The following PAK5 variants were observed in gnomAD, a reference collection of about 807,000 sequenced individuals.
PAK5 encodes the protein p21 (RAC1) activated kinase 5.
Under a neutral mutation model 65.9 loss-of-function variants are expected in PAK5, and 16 were observed. The observed-to-expected ratio is 0.24, with a 90% CI of 0.16 to 0.37. The LOEUF is 0.37. PAK5 is among the 10% of genes least tolerant of loss of function. The pLI is 1.00. For synonymous variants in PAK5, 371 were observed against 354.9 expected, an observed-to-expected ratio of 1.05 and a Z score of -0.51; for missense variants, 785 against 903.9, an observed-to-expected ratio of 0.87 and a Z score of 1.69.
At chr20:9,738,172 A>G (rs1480615991) in intron 1 of PAK5, among the ~76,000 whole-genome samples, 1 of 151,366 alleles carries the variant, frequency 6.6e-6, no homozygotes, top group Non-Finnish European at 1.5e-5. Context: ...CAAACAAACA[A>G]AAAAACAATG....
intron 3 of PAK5, among the ~76,000 whole-genome samples, chr20:9,641,843 C>T (rs1357188684): frequency 6.6e-6 from 1 of 152,176 alleles, no homozygotes. Flanking sequence ...TGCTAAGTTC[C>T]CCATTGCCCG....
chr20:9,771,116 G>A (rs1443433683), intron 1 of PAK5, among the ~76,000 whole-genome samples: 2 of 152,134 alleles, frequency 1.3e-5, no homozygotes, highest in Admixed American at 1.3e-4. Context: ...AAACTTGTGG[G>A]AAAGCTCCTA....
intron 7 of PAK5, among the ~76,000 whole-genome samples, chr20:9,546,298 AT>A (rs1300974540): frequency 3.3e-5 from 5 of 152,162 alleles, no homozygotes; most frequent in Non-Finnish European, 7.3e-5. Flanking sequence ...CTAATTTTTG[AT>A]GCATTTCAAA....
intron 1 of PAK5, among the ~76,000 whole-genome samples, chr20:9,803,199 A>T (rs1174212713): frequency 6.6e-6 from 1 of 152,032 alleles, no homozygotes; most frequent in Middle Eastern, 3.2e-3. Context: ...GAAAGCAAAC[A>T]CTGCACAAGA....
At chr20:9,605,457 G>A (rs1437925522) in intron 3 of PAK5, among the ~76,000 whole-genome samples, 1 of 152,052 alleles carries the variant, frequency 6.6e-6, no homozygotes, top group Admixed American at 6.6e-5. Flanking sequence ...CTAACTATAA[G>A]GTCTTATGCG....
At chr20:9,619,900 C>T (rs1255199722) in intron 3 of PAK5, among the ~76,000 whole-genome samples, 1 of 152,188 alleles carries the variant, frequency 6.6e-6, no homozygotes, top group Non-Finnish European at 1.5e-5. Context: ...GTGCTCTCAG[C>T]CAATCATTAG....
In PAK5 at chr20:9,747,637, C is replaced by A. The variant is rs544888722; in HGVS notation, c.-161-36202G>T. Among the ~76,000 whole-genome samples the A allele has an allele frequency of 1.5e-4, 23 of 152,048 alleles. No homozygotes were observed. The East Asian group carries it at 3.5e-3, about 23-fold the overall frequency. Reference sequence around the variant, plus strand: ...AAGGCCTTTGACAAAATTCAACAAACCTTCATGCTAAAAACTCTCAATAAA... The same window carrying A: ...AAGGCCTTTGACAAAATTCAACAAAACTTCATGCTAAAAACTCTCAATAAA... On this transcript the variant is annotated intron_variant, in intron 1 of 9. Transcript: ENST00000353224.
At chr20:9,822,456 T>A (rs1190691235) in intron 1 of PAK5, among the ~76,000 whole-genome samples, 1 of 152,220 alleles carries the variant, frequency 6.6e-6, no homozygotes, top group Non-Finnish European at 1.5e-5. Context: ...CTTAATTATG[T>A]ACAATTGAAC....
chr20:9,569,376 G>C (rs1048422419), intron 4 of PAK5, among the ~76,000 whole-genome samples: 1 of 152,106 alleles, frequency 6.6e-6, no homozygotes, highest in Non-Finnish European at 1.5e-5. Context: ...GAGAGTCATC[G>C]GTGCTTAGTT....
At chr20:9,588,061 C>T (rs2046101309) in intron 3 of PAK5, among the ~76,000 whole-genome samples, 1 of 152,062 alleles carries the variant, frequency 6.6e-6, no homozygotes, top group Non-Finnish European at 1.5e-5. Context: ...CCAGCTTAAC[C>T]AAAACGATGA....
intron 1 of PAK5, among the ~76,000 whole-genome samples, chr20:9,765,108 A>G (rs1478337061): frequency 2.0e-5 from 3 of 152,196 alleles, no homozygotes; most frequent in Admixed American, 6.5e-5. Flanking sequence ...ATAATGAGCC[A>G]TAACATGATG....
At chr20:9,758,267 GA>G (rs768694550) in intron 1 of PAK5, among the ~76,000 whole-genome samples, 4 of 152,104 alleles carry the variant, frequency 2.6e-5, no homozygotes, top group Non-Finnish European at 4.4e-5. Context: ...GCTTTGTGGT[GA>G]ACTCATCATA....
intron 1 of PAK5, among the ~76,000 whole-genome samples, chr20:9,731,374 T>C (rs1165834738): frequency 2.0e-5 from 3 of 152,188 alleles, no homozygotes; most frequent in Admixed American, 2.0e-4. Flanking sequence ...CAGTAACACA[T>C]TTTCACTCAT....
At chr20:9,725,417 A>T (rs2048264706) in intron 1 of PAK5, among the ~76,000 whole-genome samples, 1 of 152,210 alleles carries the variant, frequency 6.6e-6, no homozygotes, top group Non-Finnish European at 1.5e-5. Context: ...AAATTTATTT[A>T]CGATGTAATG....
intron 3 of PAK5, among the ~76,000 whole-genome samples, chr20:9,605,512 A>G (rs1184656809): frequency 6.6e-6 from 1 of 152,212 alleles, no homozygotes; most frequent in African/African-American, 2.4e-5. Flanking sequence ...TTCCCTAAAA[A>G]ACAGACATAA....
chr20:9,763,750 G>A (rs2423472), intron 1 of PAK5, among the ~76,000 whole-genome samples: 109,397 of 152,008 alleles, frequency 0.72, 39,716 homozygotes, highest in East Asian at 0.89. Flanking sequence ...TTGCAAGAGT[G>A]GAAGAATTAA....
intron 1 of PAK5, among the ~76,000 whole-genome samples, chr20:9,833,118 C>T (rs1375456689): frequency 6.6e-6 from 1 of 152,156 alleles, no homozygotes; most frequent in African/African-American, 2.4e-5. Context: ...ATAAACTTAT[C>T]AATTTATGTG....
chr20:9,747,383 A>C (rs1366420366), intron 1 of PAK5, among the ~76,000 whole-genome samples: 1 of 151,890 alleles, frequency 6.6e-6, no homozygotes, highest in Non-Finnish European at 1.5e-5. Context: ...ACACAACCAA[A>C]AAAGAGAATC....
At chr20:9,776,800 A>G (rs2048891656) in intron 1 of PAK5, among the ~76,000 whole-genome samples, 1 of 152,216 alleles carries the variant, frequency 6.6e-6, no homozygotes, top group Non-Finnish European at 1.5e-5. Context: ...ATCCTTGACT[A>G]CAACCTCATA....
Sources: gnomAD v4.1 joint callset for allele counts (sites outside exome capture counted in the v4.1 genomes callset) on GRCh38, gnomAD v4.1.1 for gene constraint, MANE v1.5 for transcripts, NCBI Gene and HGNC (gene_info 2026-07-23, HGNC 2026-07-21) for gene names.